TMC1: variants seen among roughly 807,000 people sequenced by gnomAD.
TMC1 encodes transmembrane channel like 1, also known as transmembrane channel-like protein 1.
A neutral mutation model predicts 105.8 loss-of-function variants in TMC1; 84 were observed. The ratio of observed to expected loss-of-function variants is 0.79; its 90% CI spans 0.67 to 0.95. The LOEUF (loss-of-function observed/expected upper bound fraction) is 0.95, where lower values mean the gene tolerates loss of function less well. Ranked by LOEUF, TMC1 falls within the 40% of genes least tolerant of loss-of-function variation. The pLI is 0.00. For missense variants in TMC1, 817 were observed against 914.1 expected (o/e 0.89, Z 1.37); for synonymous variants, 315 against 311.5 (o/e 1.01, Z -0.12).
intron 1 of TMC1, among the ~76,000 whole-genome samples, chr9:72,526,226 T>G (rs1421308787): frequency 1.3e-5 from 2 of 148,978 alleles, no homozygotes; most frequent in Admixed American, 6.7e-5. Context: ...GCTCTCACTT[T>G]AGCACTTAAA....
At chr9:72,752,608 C>T (rs551721065) in intron 11 of TMC1, among the ~76,000 whole-genome samples, 55 of 152,254 alleles carry the variant, frequency 3.6e-4, no homozygotes, top group African/African-American at 1.3e-3. Context: ...GGCCAAAAAG[C>T]TAGACTGAGG....
intron 1 of TMC1, among the ~76,000 whole-genome samples, chr9:72,544,563 T>TC (rs1823733034): frequency 7.0e-6 from 1 of 143,554 alleles, no homozygotes; most frequent in African/African-American, 2.6e-5. Context: ...CACTGCAACC[T>TC]CCACCTCCTG....
intron 10 of TMC1, among the ~76,000 whole-genome samples, chr9:72,748,955 C>A (rs1051584209): frequency 1.6e-4 from 24 of 152,120 alleles, no homozygotes; most frequent in Admixed American, 1.2e-3. Flanking sequence ...AATTCATTTT[C>A]TTTACACTTA....
chr9:72,541,293 G>A (rs1325781073), intron 1 of TMC1, among the ~76,000 whole-genome samples: 4 of 152,112 alleles, frequency 2.6e-5, no homozygotes, highest in Non-Finnish European at 1.5e-5. Flanking sequence ...AGACTTGTTG[G>A]TGCCAAGAAT....
At chr9:72,792,449 G>C in intron 17 of TMC1, 97 bp downstream of exon 17, 1 of 1,423,628 alleles carries the variant, frequency 7.0e-7, no homozygotes, top group Non-Finnish European at 9.9e-7. Flanking sequence ...TTGCTTATTA[G>C]TAAAAATAGC....
intron 5 of TMC1, among the ~76,000 whole-genome samples, chr9:72,671,067 T>TG (rs1459420777): frequency 1.3e-5 from 2 of 152,212 alleles, no homozygotes; most frequent in Non-Finnish European, 2.9e-5. Flanking sequence ...AAGTGTTATG[T>TG]GACACAGTAG....
chr9:72,806,183 C>G lies in TMC1; in HGVS notation c.1695+673C>G, dbSNP rs550319382. On this transcript the variant is annotated intron_variant, in intron 18 of 23. Coordinates refer to ENST00000297784, the MANE Select transcript of TMC1 (RefSeq NM_138691.3). ...CTGGCCGGGCGGGGGGCTGACCCCC[C>G]ACCTCCCCTCCCGGACGGGGCGGCT... 1.2e-4 allele frequency among the ~76,000 whole-genome samples: 18 copies of G among 149,616 alleles called. No individual in the cohort carries two copies. In the South Asian group the frequency reaches 3.4e-3, roughly 28 times the overall value.
At chr9:72,602,366 A>AT (rs66682329) in intron 2 of TMC1, among the ~76,000 whole-genome samples, 4,909 of 86,554 alleles carry the variant, frequency 0.057, 439 homozygotes, top group African/African-American at 0.095. Flanking sequence ...CCTATTGGTG[A>AT]TTTTTTTTTT....
At chr9:72,788,295 T>C (rs1828203428) in intron 13 of TMC1, 44 bp from the exon 14 acceptor site, 2 of 1,612,222 alleles carry the variant, frequency 1.2e-6, no homozygotes, top group Non-Finnish European at 1.7e-6. Flanking sequence ...ATTTCCCCTA[T>C]CTCATTTTTT....
chr9:72,730,572 C>T (rs1176038565), intron 8 of TMC1, among the ~76,000 whole-genome samples: 1 of 152,138 alleles, frequency 6.6e-6, no homozygotes, highest in Non-Finnish European at 1.5e-5. Flanking sequence ...TTTAGCTGTC[C>T]CCAACCTTTC....
At chr9:72,588,968 C>T (rs1824594866) in intron 2 of TMC1, among the ~76,000 whole-genome samples, 1 of 152,058 alleles carries the variant, frequency 6.6e-6, no homozygotes, top group Admixed American at 6.6e-5. Flanking sequence ...CAGGGTTTCT[C>T]CATGTTGGTC....
At chr9:72,693,489 G>A (rs1304090770) in intron 6 of TMC1, among the ~76,000 whole-genome samples, 1 of 152,068 alleles carries the variant, frequency 6.6e-6, no homozygotes, top group Non-Finnish European at 1.5e-5. Flanking sequence ...GTTTTGTATT[G>A]CTATATATGG....
At chr9:72,835,918 T>G (rs1829117228) in intron 23 of TMC1, 33 bp from the exon 24 acceptor site, 6 of 1,203,184 alleles carry the variant, frequency 5.0e-6, no homozygotes, top group East Asian at 2.8e-5. Flanking sequence ...TCTCCTTGTT[T>G]TTTTTTTTTT....
At chr9:72,610,944 G>A (rs973337695) in intron 2 of TMC1, among the ~76,000 whole-genome samples, 2 of 152,176 alleles carry the variant, frequency 1.3e-5, no homozygotes, top group Admixed American at 1.3e-4. Context: ...TGGTGGTATC[G>A]AGCTAGAAAA....
At chr9:72,827,362 G>T (rs142071995) in intron 21 of TMC1, among the ~76,000 whole-genome samples, 1 of 152,316 alleles carries the variant, frequency 6.6e-6, no homozygotes, top group Non-Finnish European at 1.5e-5. Context: ...CCATAAAGCA[G>T]ATGGCAATGA....
At position 72,826,824 on chromosome 9, in the gene TMC1, C is replaced by T. The variant is rs370152675; in HGVS notation, c.2004-45C>T. 11 of 1,606,026 alleles carry T rather than the reference C, an allele frequency of 6.8e-6. No individual in the cohort carries two copies. The African/African-American group carries it at 1.3e-4, about 20-fold the overall frequency. On this transcript the variant is annotated intron_variant, in intron 20 of 23. Transcript: ENST00000297784. ...TTTCTTGCTTTAACCATGGTTTTTC[C>T]ATATGTTCTTAATAAACTTATCTCC...
chr9:72,800,296 G>A (rs1453753392), intron 17 of TMC1, among the ~76,000 whole-genome samples: 4 of 152,130 alleles, frequency 2.6e-5, no homozygotes, highest in African/African-American at 9.7e-5. Flanking sequence ...ATTCAAGAAA[G>A]GAAAATATAG....
intron 19 of TMC1, chr9:72,818,815 C>T (rs183391393): frequency 3.9e-5 from 6 of 152,142 alleles, no homozygotes; most frequent in East Asian, 1.9e-4. Context: ...CATTAACATT[C>T]GGATATTATT....
intron 18 of TMC1, among the ~76,000 whole-genome samples, chr9:72,813,158 T>C (rs1235516772): frequency 1.3e-5 from 2 of 152,178 alleles, no homozygotes; most frequent in African/African-American, 4.8e-5. Flanking sequence ...TGTTTTTTTT[T>C]CTTTTTCCCT....
Sources: gnomAD v4.1 joint callset for allele counts (sites outside exome capture counted in the v4.1 genomes callset) on GRCh38, gnomAD v4.1.1 for gene constraint, MANE v1.5 for transcripts, NCBI Gene and HGNC (gene_info 2026-07-23, HGNC 2026-07-21) for gene names.